Variants in CRACD observed in about 807,000 individuals in gnomAD.
The protein encoded by CRACD is capping protein-inhibiting regulator of actin dynamics.
A neutral mutation model predicts 106.8 loss-of-function variants in CRACD; 56 were observed. That is an observed-to-expected ratio of 0.52 (90% confidence interval 0.42 to 0.66). The LOEUF is 0.66. Ranked by LOEUF, CRACD falls within the 30% of genes least tolerant of loss-of-function variation. CRACD has a pLI of 0.00. For synonymous variants in CRACD, 754 were observed against 670.8 expected (o/e 1.12, Z -1.92); for missense variants, 1,730 against 1,623.2 (o/e 1.07, Z -1.13).
At chr4:56,212,879 G>A (rs971633689) in intron 2 of CRACD, among the ~76,000 whole-genome samples, 72 of 152,144 alleles carry the variant, frequency 4.7e-4, no homozygotes, top group African/African-American at 1.6e-3. Flanking sequence ...ATCTGATCCT[G>A]GACTTAGTCC....
chr4:56,072,106 C>T (rs1577944496), intron 1 of CRACD, among the ~76,000 whole-genome samples: 1 of 136,670 alleles, frequency 7.3e-6, no homozygotes, highest in African/African-American at 2.8e-5. Context: ...CCAGCCTGGG[C>T]GACAGAGCGA....
intron 1 of CRACD, among the ~76,000 whole-genome samples, chr4:56,151,994 A>G (rs1735595489): frequency 6.7e-6 from 1 of 148,854 alleles, no homozygotes; most frequent in Admixed American, 6.7e-5. Context: ...GGGCTTTGGC[A>G]CTGAGCAAAT....
chr4:56,167,412 C>G (rs555734925), intron 1 of CRACD, among the ~76,000 whole-genome samples: 6 of 152,124 alleles, frequency 3.9e-5, no homozygotes, highest in Non-Finnish European at 8.8e-5. Flanking sequence ...TATATGTATA[C>G]AATGTGGCAT....
rs142524067 is a variant in CRACD at position 56,270,835 on chromosome 4, A to C, written c.-188-1486A>C. ...AGTGGTTCACGCCTGTAATCACAGC[A>C]CTTTGGGAGGCCAAGGCGGACGGAT... On this transcript the variant is annotated intron_variant, in intron 2 of 10. Coordinates refer to ENST00000682029, the MANE Select transcript of CRACD (RefSeq NM_001393381.1). 9.0e-3 allele frequency among the ~76,000 whole-genome samples: 1,371 copies of C among 152,160 alleles called. 67 individuals carry two copies. The highest frequency in any genetic ancestry group is 0.074 in the Admixed American group (1,125 of 15,270).
At chr4:56,094,497 C>T (rs1412564021) in intron 1 of CRACD, among the ~76,000 whole-genome samples, 1 of 142,710 alleles carries the variant, frequency 7.0e-6, no homozygotes, top group Non-Finnish European at 1.5e-5. Flanking sequence ...GGTGGGATCT[C>T]GGCTCACTGA....
intron 2 of CRACD, among the ~76,000 whole-genome samples, chr4:56,211,001 A>G (rs937239424): frequency 2.6e-5 from 4 of 152,232 alleles, no homozygotes; most frequent in Non-Finnish European, 4.4e-5. Context: ...TTTAAAAAAT[A>G]TTAAAAATAT....
intron 1 of CRACD, among the ~76,000 whole-genome samples, chr4:56,166,806 G>T (rs1736173952): frequency 6.6e-6 from 1 of 151,856 alleles, no homozygotes; most frequent in Non-Finnish European, 1.5e-5. Flanking sequence ...AAGGAAGAAT[G>T]CAACATTGCA....
In CRACD at chr4:56,314,902, G is replaced by T; in HGVS notation, c.1400G>T (p.Arg467Met). The change falls in exon 8 of 11, where the codon AGG becomes ATG. Residue 467 changes from arginine to methionine, a missense_variant. Around this residue, in one of 5 missense-constraint regions of CRACD, gnomAD observed 1,620 missense variants for 1,481.6 expected, o/e 1.09. Transcript: ENST00000682029. This position sits in a 1 kb window ranked among gnomAD's most constrained non-coding sequence, Gnocchi z 4.4. ...GAGCGGCGAAGAGAGCAGCAGGGAAGGAGCGGGGATTTCCAGGGGGCCGAT... is the reference window on the plus strand; with the variant it reads ...GAGCGGCGAAGAGAGCAGCAGGGAATGAGCGGGGATTTCCAGGGGGCCGAT... Reference protein sequence around the residue: ...EAERRREQQGRSGDFQGADRP... With the variant: ...EAERRREQQGMSGDFQGADRP... 1 of 1,609,298 alleles carries T rather than the reference G, an allele frequency of 6.2e-7. No individual in the cohort carries two copies. The highest frequency in any genetic ancestry group is 2.2e-5 in the East Asian group (1 of 44,710).
chr4:56,232,601 G>T (rs1002497186), intron 2 of CRACD, among the ~76,000 whole-genome samples: 30 of 152,054 alleles, frequency 2.0e-4, no homozygotes, highest in Non-Finnish European at 1.6e-4. Context: ...AGTATATAAG[G>T]TCCCCTTTTG....
chr4:56,216,029 G>C (rs1344474697), intron 2 of CRACD: 3 of 152,230 alleles, frequency 2.0e-5, no homozygotes, highest in African/African-American at 7.2e-5. Context: ...CCTTGCTCTT[G>C]GTTCAGGTCC....
chr4:56,095,600 A>G (rs1412669950), intron 1 of CRACD, among the ~76,000 whole-genome samples: 1 of 152,194 alleles, frequency 6.6e-6, no homozygotes, highest in African/African-American at 2.4e-5. Flanking sequence ...TACCTTGGTC[A>G]AGAAGCAGTA....
At chr4:56,059,341 T>G (rs1025871822) in intron 1 of CRACD, among the ~76,000 whole-genome samples, 4 of 152,106 alleles carry the variant, frequency 2.6e-5, no homozygotes, top group Non-Finnish European at 5.9e-5. Context: ...CTGGGCATGG[T>G]GGTGTGCACC....
At chr4:56,208,005 G>C (rs1738215663) in intron 2 of CRACD, among the ~76,000 whole-genome samples, 1 of 148,896 alleles carries the variant, frequency 6.7e-6, no homozygotes, top group Non-Finnish European at 1.5e-5. Context: ...TTTTTTTAGA[G>C]ATGAGGGTCT....
intron 1 of CRACD, among the ~76,000 whole-genome samples, chr4:56,053,333 C>G (rs2109776567): frequency 6.6e-6 from 1 of 152,126 alleles, no homozygotes; most frequent in African/African-American, 2.4e-5. Context: ...TTTTTCAGTT[C>G]TTTACACGTT....
chr4:56,278,669 G>T (rs1001715967), intron 3 of CRACD, among the ~76,000 whole-genome samples: 1 of 152,152 alleles, frequency 6.6e-6, no homozygotes, highest in Non-Finnish European at 1.5e-5. Context: ...ATTAAATTTT[G>T]TGTTACAAAT....
chr4:56,313,231 A>C lies in CRACD; in HGVS notation c.389A>C (p.His130Pro). The change falls in exon 7 of 11, where the codon CAC becomes CCC. Residue 130 changes from histidine (H) to proline (P), a missense_variant. Physicochemically the swap from His to Pro is moderately conservative, Grantham distance 77. Transcript: ENST00000682029. ...GTTAAACCGTCTCGGCCAAAAAGGC[A>C]CTTCTCTTCTGCTGGCACCATCGAA... ...APVKPSRPKR[H>P]FSSAGTIESV... 6.2e-7 allele frequency: 1 copy of C among 1,614,110 alleles called. No individual in the cohort carries two copies. The highest frequency in any genetic ancestry group is 2.2e-5 in the East Asian group (1 of 44,860).
At chr4:56,255,113 C>CAAAA (rs5858370) in intron 2 of CRACD, among the ~76,000 whole-genome samples, 4 of 74,772 alleles carry the variant, frequency 5.3e-5, no homozygotes, top group Non-Finnish European at 7.8e-5. Context: ...GACTCCATCT[C>CAAAA]AAAAAAAAAA....
intron 1 of CRACD, among the ~76,000 whole-genome samples, chr4:56,092,167 G>A (rs1184855800): frequency 6.6e-6 from 1 of 152,190 alleles, no homozygotes; most frequent in Non-Finnish European, 1.5e-5. Context: ...AGGTTGGGGT[G>A]ATGAGTGACT....
intron 4 of CRACD, among the ~76,000 whole-genome samples, chr4:56,305,049 G>A (rs565367084): frequency 2.0e-5 from 3 of 151,912 alleles, no homozygotes; most frequent in South Asian, 2.1e-4. Context: ...GTGAGACCCC[G>A]TCACTACAAG....
Sources: gnomAD v4.1 joint callset for allele counts (sites outside exome capture counted in the v4.1 genomes callset) on GRCh38, gnomAD v4.1.1 for gene constraint, gnomAD v4.1.1 regional missense constraint, Gnocchi (gnomAD v3.1) non-coding constraint, MANE v1.5 for transcripts, NCBI Gene and HGNC (gene_info 2026-07-23, HGNC 2026-07-21) for gene names.